The following ZNF44 variants were observed in gnomAD, a reference collection of about 807,000 sequenced individuals.
ZNF44 encodes gonadotropin inducible transcription repressor-2.
ZNF44 carries 9 observed loss-of-function variants against 11.7 expected under a neutral mutation model. The ratio of observed to expected loss-of-function variants is 0.77; its 90% CI spans 0.46 to 1.35. The LOEUF is 1.35. ZNF44 is among the 40% of genes most tolerant of loss of function. The probability of loss-of-function intolerance (pLI) is 0.00; values close to 1 mark genes in which losing one functional copy is unlikely to be tolerated. For missense variants in ZNF44, 696 were observed against 743.1 expected (o/e 0.94, Z 0.74); for synonymous variants, 224 against 242.7 (o/e 0.92, Z 0.72).
intron 1 of ZNF44, among the ~76,000 whole-genome samples, chr19:12,292,723 G>A (rs1968060802): frequency 6.6e-6 from 1 of 152,198 alleles, no homozygotes; most frequent in African/African-American, 2.4e-5. Flanking sequence ...TTCACAGTCG[G>A]AGAGAGTCCA....
At chr19:12,252,877 A>AAT (rs1917068963) in intron 5 of ZNF44, among the ~76,000 whole-genome samples, 1 of 138,238 alleles carries the variant, frequency 7.2e-6, no homozygotes, top group Non-Finnish European at 1.6e-5. Context: ...CCTACAAGAA[A>AAT]CTTTTTTTTT....
At chr19:12,261,944 A>G (rs530875075) in intron 5 of ZNF44, among the ~76,000 whole-genome samples, 5 of 152,346 alleles carry the variant, frequency 3.3e-5, no homozygotes, top group African/African-American at 1.2e-4. Context: ...ACTTGTTTCT[A>G]AAATTTATTG....
chr19:12,252,576 G>A (rs77177416), intron 5 of ZNF44, among the ~76,000 whole-genome samples: 2,296 of 152,302 alleles, frequency 0.015, 31 homozygotes, highest in Non-Finnish European at 0.025. Context: ...ACAGTTTATG[G>A]ATAAGTGAAA....
chr19:12,260,008 A>T, intron 5 of ZNF44: 1 of 401,084 alleles, frequency 2.5e-6, no homozygotes, highest in South Asian at 2.0e-5. Context: ...AACCTCTGAC[A>T]GTGTATACAG....
intron 1 of ZNF44, among the ~76,000 whole-genome samples, chr19:12,292,302 C>T (rs1008757406): frequency 1.3e-5 from 2 of 151,894 alleles, no homozygotes; most frequent in Non-Finnish European, 2.9e-5. Context: ...AGAGGGAGAC[C>T]CTGTCTTATA....
chr19:12,270,835 T>C (rs746905463), downstream of ZNF44, among the ~76,000 whole-genome samples: 2 of 152,282 alleles, frequency 1.3e-5, no homozygotes, highest in East Asian at 1.9e-4. Flanking sequence ...AGCTTCACAA[T>C]TGCAGATGCA....
chr19:12,285,202 A>G (rs990555842), intron 1 of ZNF44: 7 of 453,348 alleles, frequency 1.5e-5, no homozygotes, highest in Non-Finnish European at 2.3e-5. Flanking sequence ...CATACAAGAA[A>G]AATAAAGTAA....
At position 12,273,468 on chromosome 19, in the gene ZNF44, G is replaced by T. The variant is rs751972615; in HGVS notation, c.787C>A (p.Pro263Thr). The stretch of plus-strand genomic sequence containing the variant: ...TGTCTTAGATATGAACTGTAATCAG[G>T]GAAGGCTTTAGAACACTGCTTACAT... ...YECKQCSKAF[P>T]DYSSYLRHER... Residue 263 changes from proline to threonine, a missense_variant, in exon 4 of 4, where the codon CCT becomes ACT. Pro to Thr is a conservative substitution (Grantham distance 38). Coordinates refer to ENST00000355684, the MANE Select transcript of ZNF44 (RefSeq NM_016264.4). 9 of 1,613,418 alleles carry T rather than the reference G, an allele frequency of 5.6e-6. No homozygotes were observed. The highest frequency in any genetic ancestry group is 3.4e-6 in the Non-Finnish European group (4 of 1,179,942).
upstream of ZNF44, among the ~76,000 whole-genome samples, chr19:12,239,206 G>A (rs747433131): frequency 4.5e-4 from 68 of 151,966 alleles, no homozygotes; most frequent in Middle Eastern, 3.4e-3. Flanking sequence ...CCCACCTCCC[G>A]GGTTCAAGCA....
chr19:12,272,798 C>T lies in ZNF44; in HGVS notation c.1457G>A (p.Ser486Asn). ...ATGGCGACAAAAGTATTTAAAAGAA[C>T]TAAATGCTTTCCCACACTCCTTACA... The part of the protein sequence containing the change: ...YECKECGKAF[S>N]SFKYFCRHER... Residue 486 changes from serine to asparagine, a missense_variant, in exon 4 of 4, where the codon AGT becomes AAT. Coordinates refer to ENST00000355684, the MANE Select transcript of ZNF44 (RefSeq NM_016264.4). 1 of 1,613,812 alleles carries T rather than the reference C, an allele frequency of 6.2e-7. No individual in the cohort carries two copies. Among genetic ancestry groups the T allele is most frequent in the East Asian group, 2.2e-5 (1 of 44,880 alleles).
At chr19:12,267,045 T>C (rs1266656656), downstream of ZNF44, among the ~76,000 whole-genome samples, 1 of 145,712 alleles carries the variant, frequency 6.9e-6, no homozygotes, top group East Asian at 2.0e-4. Context: ...TCTTTTTTCT[T>C]TTTTTTTTTT....
intron 1 of ZNF44, among the ~76,000 whole-genome samples, chr19:12,278,710 G>C (rs1051442778): frequency 2.0e-5 from 3 of 149,890 alleles, no homozygotes; most frequent in Non-Finnish European, 4.4e-5. Flanking sequence ...CTGAGTGAAA[G>C]AGTGACACTA....
At position 12,252,692 on chromosome 19, in the gene ZNF44, G is replaced by C. The variant is rs1917056848; in HGVS notation, c.1913-2324C>G. The stretch of plus-strand genomic sequence containing the variant: ...ATTGCTAGAAAGAGGGCTTGGGATA[G>C]CTGTATACTGAAAACTCAAGGGCAA... On this transcript the variant is annotated intron_variant and NMD_transcript_variant, in intron 5 of 7. Coordinates refer to the ZNF44 transcript ENST00000393337. 2.6e-5 allele frequency among the ~76,000 whole-genome samples: 4 copies of C among 151,652 alleles called. No homozygotes were observed. In the South Asian group the frequency reaches 8.3e-4, roughly 32 times the overall value.
intron 5 of ZNF44, among the ~76,000 whole-genome samples, chr19:12,258,304 C>A (rs887552233): frequency 8.2e-6 from 1 of 122,616 alleles, no homozygotes; most frequent in Non-Finnish European, 1.6e-5. Context: ...TGGATTCCAG[C>A]GTGGGCAACA....
At chr19:12,266,413 G>C (rs774331393) in intron 5 of ZNF44, 7 of 911,832 alleles carry the variant, frequency 7.7e-6, no homozygotes, top group Non-Finnish European at 9.2e-6. Flanking sequence ...GCGCCAAGGC[G>C]AGAGGGAAAA....
In ZNF44 at chr19:12,293,159, C is replaced by T. The variant is rs779306135; in HGVS notation, c.3+1533G>A. The T allele has an allele frequency of 3.5e-5, 52 of 1,477,044 alleles. 1 individual carries two copies. Among genetic ancestry groups the T allele is most frequent in the Non-Finnish European group, 4.3e-5 (48 of 1,109,396 alleles). The allele number at this position is 1,477,044 out of a possible 1,614,324, so 91.5% of individuals were successfully genotyped here. A position where few individuals can be genotyped will look rare whatever the true frequency, so the allele number is the denominator to read the frequency against. On this transcript the variant is annotated intron_variant, in intron 1 of 3. Coordinates refer to ENST00000355684, the MANE Select transcript of ZNF44 (RefSeq NM_016264.4). ...TGCTGGGATTACAGGCGTGAGCCACCGCGCCCAGCCCAGGGGTTAGCTTTT... is the reference window on the plus strand; with the variant it reads ...TGCTGGGATTACAGGCGTGAGCCACTGCGCCCAGCCCAGGGGTTAGCTTTT...
chr19:12,248,251 G>A (rs779800868), exon 8 of ZNF44: 20 of 1,297,816 alleles, frequency 1.5e-5, no homozygotes, highest in South Asian at 8.6e-5. Context: ...TGGTGGTATC[G>A]GAATGCTTTT....
rs140488598 is a variant in ZNF44 at position 12,263,876 on chromosome 19, G to A, written c.1912+8611C>T. Among the ~76,000 whole-genome samples, 82 of 148,188 alleles carry A rather than the reference G, an allele frequency of 5.5e-4. 1 individual carries two copies. In the East Asian group the frequency reaches 0.014, roughly 26 times the overall value. ...GGAGGCAGAGCTTCCAGTGAGCCGA[G>A]ATGGCACCACTGCACTCCAGCCTGG... On this transcript the variant is annotated intron_variant and NMD_transcript_variant, in intron 5 of 7. Transcript: ENST00000393337.
exon 1 of ZNF44, chr19:12,237,481 C>A: frequency 6.0e-6 from 1 of 166,318 alleles, no homozygotes. Context: ...GTCCCGGGTC[C>A]TCCCTTGGCT....
Sources: gnomAD v4.1 joint callset for allele counts (sites outside exome capture counted in the v4.1 genomes callset) on GRCh38, gnomAD v4.1.1 for gene constraint, MANE v1.5 for transcripts, NCBI Gene and HGNC (gene_info 2026-07-23, HGNC 2026-07-21) for gene names.